Variants in TRIM33 observed in about 807,000 individuals in gnomAD.
TRIM33 encodes the protein tripartite motif containing 33.
A neutral mutation model predicts 125.4 loss-of-function variants in TRIM33; 20 were observed. The ratio of observed to expected loss-of-function variants is 0.16; its 90% CI spans 0.11 to 0.23. The LOEUF (loss-of-function observed/expected upper bound fraction) is 0.23. TRIM33 is among the 10% of genes least tolerant of loss of function. The pLI is 1.00. For missense variants in TRIM33, 920 were observed against 1,411.4 expected (o/e 0.65, Z 5.58); for synonymous variants, 564 against 513.9 (o/e 1.10, Z -1.32).
At chr1:114,408,606 T>G in intron 13 of TRIM33, 71 bp downstream of exon 13, 1 of 997,402 alleles carries the variant, frequency 1.0e-6, no homozygotes. Flanking sequence ...CACTGTAATA[T>G]TCTACTTTTA....
At position 114,510,702 on chromosome 1, in the gene TRIM33, G is replaced by A. The variant is rs1312444363; in HGVS notation, c.375C>T (p.Cys125=). 3.1e-5 allele frequency: 48 copies of A among 1,542,488 alleles called. No homozygotes were observed. Among genetic ancestry groups the A allele is most frequent in the Non-Finnish European group, 4.0e-5 (46 of 1,149,810 alleles). The change falls in exon 1 of 20, where the codon TGC becomes TGT. Residue 125 remains cysteine, a synonymous_variant. Transcript: ENST00000358465. The part of the protein sequence containing the change: ...PGPPASLLDT[C]AVCQQSLQSR... ...TCTGCAAGCTCTGCTGACACACGGC[G>A]CAGGTGTCCAGGAGCGAGGCTGGCG...
chr1:114,473,577 C>T (rs1178785322), intron 1 of TRIM33, among the ~76,000 whole-genome samples: 10 of 151,918 alleles, frequency 6.6e-5, no homozygotes, highest in African/African-American at 1.9e-4. Flanking sequence ...AGCAGGTAAT[C>T]GGAATGAGTC....
At chr1:114,457,732 A>G (rs1649707746) in intron 4 of TRIM33, among the ~76,000 whole-genome samples, 1 of 152,186 alleles carries the variant, frequency 6.6e-6, no homozygotes, top group Non-Finnish European at 1.5e-5. Flanking sequence ...AGTAAAGAGC[A>G]GTTTGGTTTA....
intron 6 of TRIM33, among the ~76,000 whole-genome samples, chr1:114,428,477 A>C (rs954547611): frequency 1.3e-5 from 2 of 152,244 alleles, no homozygotes; most frequent in Non-Finnish European, 2.9e-5. Flanking sequence ...CTGCAAAGGA[A>C]AAATAAACTG....
At chr1:114,429,039 T>TA (rs1044170005) in intron 6 of TRIM33, among the ~76,000 whole-genome samples, 1 of 152,184 alleles carries the variant, frequency 6.6e-6, no homozygotes, top group African/African-American at 2.4e-5. Context: ...TCAAATGTAT[T>TA]ACAGTAAGTT....
At chr1:114,406,436 T>G (rs1418676706) in intron 14 of TRIM33, among the ~76,000 whole-genome samples, 1 of 152,202 alleles carries the variant, frequency 6.6e-6, no homozygotes, top group Non-Finnish European at 1.5e-5. Context: ...GGCTTGGCCT[T>G]CCTTCATTCT....
chr1:114,500,746 C>CAA (rs371461723), intron 1 of TRIM33, among the ~76,000 whole-genome samples: 12 of 138,352 alleles, frequency 8.7e-5, no homozygotes, highest in East Asian at 2.1e-4. Context: ...CTAAGAACAG[C>CAA]AAAAAAAAAA....
intron 4 of TRIM33, among the ~76,000 whole-genome samples, chr1:114,454,452 C>G (rs1254689730): frequency 2.6e-5 from 4 of 151,926 alleles, no homozygotes; most frequent in Admixed American, 2.6e-4. Context: ...TTGAGAGGTC[C>G]TGGAGGAAGG....
At chr1:114,433,877 A>T in intron 4 of TRIM33, 144 bp from the exon 5 acceptor site, 2 of 504,558 alleles carry the variant, frequency 4.0e-6, no homozygotes, top group Middle Eastern at 5.3e-4. Context: ...TCTCAACAGC[A>T]ACTTTTAACT....
chr1:114,418,592 T>G (rs1178228702), intron 11 of TRIM33, among the ~76,000 whole-genome samples: 1 of 152,214 alleles, frequency 6.6e-6, no homozygotes, highest in Non-Finnish European at 1.5e-5. Flanking sequence ...GCCTGAATTC[T>G]GCTAAGGTGT....
chr1:114,500,230 T>G (rs1010069854), intron 1 of TRIM33, among the ~76,000 whole-genome samples: 2 of 152,216 alleles, frequency 1.3e-5, no homozygotes, highest in African/African-American at 4.8e-5. Context: ...TGTGTATAAA[T>G]AGGCAGACAC....
At chr1:114,443,775 T>G (rs1648807640) in intron 4 of TRIM33, among the ~76,000 whole-genome samples, 1 of 151,928 alleles carries the variant, frequency 6.6e-6, no homozygotes, top group Non-Finnish European at 1.5e-5. Context: ...AGCTTATGCC[T>G]GTAATCTAAA....
Position 114,397,546 on chromosome 1 carries a change from C to A in TRIM33, c.*102G>T. 3 of 813,176 alleles carry A rather than the reference C, an allele frequency of 3.7e-6. No homozygotes were observed. The South Asian group carries it at 5.1e-5, about 14-fold the overall frequency. The allele number at this position is 813,176 out of a possible 1,614,324, so 50.4% of individuals were successfully genotyped here. A position where few individuals can be genotyped will look rare whatever the true frequency, so the allele number is the denominator to read the frequency against. ...TCTTCAAGGAGGTGCCCACTGTAGG[C>A]AGGATATTCCAGCAACACTTAAAAG... On this transcript the variant is annotated 3_prime_UTR_variant, in exon 20 of 20. Transcript: ENST00000358465.
rs1651358356 is a variant in TRIM33 at position 114,392,955 on chromosome 1, T to C, written c.*4693A>G. On this transcript the variant is annotated 3_prime_UTR_variant, in exon 20 of 20. Transcript: ENST00000358465. ...ATAACCATGAAAAGAAAAAACTTGC[T>C]TTTATTACACACCAGCAAAAACACA... 1 of 200,220 alleles carries C rather than the reference T, an allele frequency of 5.0e-6. No individual in the cohort carries two copies. Among genetic ancestry groups the C allele is most frequent in the South Asian group, 1.9e-4 (1 of 5,252 alleles). 12.4% of individuals were successfully genotyped at this position (200,220 alleles called of 1,614,324 possible). A position where few individuals can be genotyped will look rare whatever the true frequency, so the allele number is the denominator to read the frequency against.
chr1:114,470,324 T>C (rs1650562718), intron 1 of TRIM33, among the ~76,000 whole-genome samples: 1 of 152,082 alleles, frequency 6.6e-6, no homozygotes, highest in Non-Finnish European at 1.5e-5. Flanking sequence ...CTGTTACATT[T>C]TGTTAATTTT....
intron 1 of TRIM33, among the ~76,000 whole-genome samples, chr1:114,479,071 G>A (rs1009255992): frequency 5.3e-5 from 8 of 152,054 alleles, no homozygotes; most frequent in Non-Finnish European, 8.8e-5. Flanking sequence ...AAAGATCTGA[G>A]TGAACTTGTA....
At position 114,490,084 on chromosome 1, in the gene TRIM33, C is replaced by CAAAAAAAAAAAAAAAAAA. The variant is rs776451339; in HGVS notation, c.526+20449_526+20466dup. ...TGGGCAACAGAGCGAGACTCCGTCT[C>CAAAAAAAAAAAAAAAAAA]AAAAAAAAAAAAAAAAAAAAGAAAA... is the stretch of plus-strand genomic sequence containing the variant. On this transcript the variant is annotated intron_variant, in intron 1 of 19. Transcript: ENST00000358465. Among the ~76,000 whole-genome samples, 3 of 37,642 alleles carry CAAAAAAAAAAAAAAAAAA rather than the reference C, an allele frequency of 8.0e-5. 1 individual carries two copies. The highest frequency in any genetic ancestry group is 5.2e-5 in the Non-Finnish European group (1 of 19,340). The allele number at this position is 37,642 out of a possible 152,430, so 24.7% of individuals were successfully genotyped here. A position where few individuals can be genotyped will look rare whatever the true frequency, so the allele number is the denominator to read the frequency against.
chr1:114,425,638 A>G lies in TRIM33; in HGVS notation c.1506T>C (p.Ile502=), dbSNP rs997375922. The change falls in exon 9 of 20, where the codon ATT becomes ATC. Residue 502 remains isoleucine (I), a synonymous_variant. Transcript: ENST00000358465. ...AGTTAATCTGTCCAGGGGTTTTACT[A>G]ATGTGGTTTGTCCCTGGAGGAACTT... ...VGQVPPGTNH[I]SKTPGQINLA... The G allele has an allele frequency of 1.2e-6, 2 of 1,614,044 alleles. No individual in the cohort carries two copies. The highest frequency in any genetic ancestry group is 1.3e-5 in the African/African-American group (1 of 74,924).
chr1:114,398,123 C>T (rs758535640), intron 18 of TRIM33, 133 bp from the exon 19 acceptor site: 45 of 873,152 alleles, frequency 5.2e-5, no homozygotes, highest in Non-Finnish European at 7.5e-5. Flanking sequence ...AGATAAAGTG[C>T]TTTTCTAAAA....
Sources: gnomAD v4.1 joint callset for allele counts (sites outside exome capture counted in the v4.1 genomes callset) on GRCh38, gnomAD v4.1.1 for gene constraint, MANE v1.5 for transcripts, NCBI Gene and HGNC (gene_info 2026-07-23, HGNC 2026-07-21) for gene names.